The following CEP43 variants were observed in gnomAD, a reference collection of about 807,000 sequenced individuals.
The protein encoded by CEP43 is FGFR1 oncogene partner.
A neutral mutation model predicts 52.6 loss-of-function variants in CEP43; 36 were observed. That is an observed-to-expected ratio of 0.68 (90% CI 0.52 to 0.90). The LOEUF (loss-of-function observed/expected upper bound fraction) is 0.90. CEP43 is among the 40% of genes least tolerant of loss of function. The probability of loss-of-function intolerance (pLI) is 0.00; values close to 1 mark genes in which losing one functional copy is unlikely to be tolerated. For synonymous variants in CEP43, 192 were observed against 172.4 expected, an observed-to-expected ratio of 1.11 and a Z score of -0.89; for missense variants, 506 against 472.8, an observed-to-expected ratio of 1.07 and a Z score of -0.65.
In CEP43 at chr6:167,003,252, G is replaced by A; in HGVS notation, c.211+5G>A. 1 of 1,461,928 alleles carries A rather than the reference G, an allele frequency of 6.8e-7. No individual in the cohort carries two copies. The allele number at this position is 1,461,928 out of a possible 1,614,324, so 90.6% of individuals were successfully genotyped here. ...AGTTTTTAAATACCAAAGACGGTAA[G>A]ATGTTCAGTTTGTTCTTGTTTATCT... On this transcript the variant is annotated splice_donor_5th_base_variant and intron_variant, in intron 3 of 12. Coordinates refer to ENST00000366847, the MANE Select transcript of CEP43 (RefSeq NM_007045.4).
intron 5 of CEP43, among the ~76,000 whole-genome samples, chr6:167,006,004 G>C (rs975820877): frequency 6.6e-6 from 1 of 152,178 alleles, no homozygotes; most frequent in Non-Finnish European, 1.5e-5. Flanking sequence ...TGAAACCCCA[G>C]CTCTGCTACA....
chr6:167,022,512 C>T lies in CEP43; in HGVS notation c.683C>T (p.Ser228Phe), dbSNP rs558048540. 40 of 1,614,008 alleles carry T rather than the reference C, an allele frequency of 2.5e-5. No individual in the cohort carries two copies. In the South Asian group the frequency reaches 3.6e-4, roughly 15 times the overall value. ...CTGTCCCATGAAACAAAAATTGGAT[C>T]TTTTCTAAGCAACAGAACTTTAGAT... ...HLLSHETKIG[S>F]FLSNRTLDGK... The change falls in exon 8 of 13, where the codon TCT becomes TTT. Residue 228 changes from serine to phenylalanine, a missense_variant. By Grantham distance (155) the Ser-to-Phe change is radical (BLOSUM62 -2). Transcript: ENST00000366847.
At chr6:167,003,971 C>A in intron 4 of CEP43, 160 bp downstream of exon 4, 1 of 610,680 alleles carries the variant, frequency 1.6e-6, no homozygotes, top group Non-Finnish European at 2.8e-6. Context: ...TATGAGCTTT[C>A]AGATAGCTGG....
At chr6:167,010,672 TAAAAA>T (rs1444634292) in intron 5 of CEP43, 136 bp from the exon 6 acceptor site, 6 of 459,524 alleles carry the variant, frequency 1.3e-5, no homozygotes, top group Non-Finnish European at 1.9e-5. Flanking sequence ...GAGGAAAATC[TAAAAA>T]GGATGGTTAC....
At position 167,052,447 on chromosome 6, in the gene CEP43, TC is replaced by T. The variant is rs750454534; in HGVS notation, c.*12472del. The T allele has an allele frequency of 2.0e-5, 3 of 152,172 alleles. No individual in the cohort carries two copies. The highest frequency in any genetic ancestry group is 4.4e-5 in the Non-Finnish European group (3 of 68,024). The allele number at this position is 152,172 out of a possible 1,614,324, so 9.4% of individuals were successfully genotyped here. A position where few individuals can be genotyped will look rare whatever the true frequency, so the allele number is the denominator to read the frequency against. On this transcript the variant is annotated 3_prime_UTR_variant, in exon 13 of 13. Transcript: ENST00000366847. ...CTTATTTCCAGGGGCCTTTGTAAAT[TC>T]CCAGTGACAACTCTTTGGAAGATGA...
At chr6:167,036,561 A>C in intron 12 of CEP43, 1 of 985,438 alleles carries the variant, frequency 1.0e-6, no homozygotes, top group Non-Finnish European at 1.2e-6. Context: ...TAGCAATCTA[A>C]TTCAGCAAAC....
intron 12 of CEP43, among the ~76,000 whole-genome samples, chr6:167,038,914 C>T (rs1780635396): frequency 6.6e-6 from 1 of 152,138 alleles, no homozygotes; most frequent in South Asian, 2.1e-4. Flanking sequence ...TAGCAGTACA[C>T]ACCGGGCCCA....
At chr6:167,013,344 A>G (rs1033265620) in intron 6 of CEP43, among the ~76,000 whole-genome samples, 164 bp from the exon 7 acceptor site, 9 of 152,196 alleles carry the variant, frequency 5.9e-5, no homozygotes, top group African/African-American at 1.7e-4. Flanking sequence ...TCACTCTAGG[A>G]ATAGTTAAGA....
In CEP43 at chr6:167,041,320, T is replaced by C. The variant is rs1224610870; in HGVS notation, c.*1342T>C. On this transcript the variant is annotated 3_prime_UTR_variant, in exon 13 of 13. Coordinates refer to ENST00000366847, the MANE Select transcript of CEP43 (RefSeq NM_007045.4). Reference sequence around the variant, plus strand: ...GGCTGTGTAACAGAATCTGGCTTTTTAAAATTTAAGTGAAACTAAGCTGTA... The same window carrying C: ...GGCTGTGTAACAGAATCTGGCTTTTCAAAATTTAAGTGAAACTAAGCTGTA... 9.5e-7 allele frequency: 1 copy of C among 1,054,624 alleles called. No individual in the cohort carries two copies. Among genetic ancestry groups the C allele is most frequent in the African/African-American group, 1.7e-5 (1 of 60,454 alleles). 65.3% of individuals were successfully genotyped at this position (1,054,624 alleles called of 1,614,324 possible).
chr6:167,000,852 G>A (rs112621402), intron 2 of CEP43, among the ~76,000 whole-genome samples: 34 of 152,180 alleles, frequency 2.2e-4, no homozygotes, highest in Non-Finnish European at 4.4e-4. Context: ...ACGGTCATAC[G>A]TGGTCTGGAA....
chr6:167,008,940 G>A (rs577080831), intron 5 of CEP43, among the ~76,000 whole-genome samples: 2 of 152,238 alleles, frequency 1.3e-5, no homozygotes, highest in African/African-American at 4.8e-5. Context: ...GACAAGAATG[G>A]TAGCAGTAAG....
At chr6:167,033,695 G>A (rs1472687196) in intron 11 of CEP43, among the ~76,000 whole-genome samples, 180 bp from the exon 12 acceptor site, 2 of 152,168 alleles carry the variant, frequency 1.3e-5, no homozygotes, top group Non-Finnish European at 2.9e-5. Context: ...TGACTTGACT[G>A]CTGCTGCCCT....
chr6:167,030,450 C>G (rs1473551448), intron 10 of CEP43, among the ~76,000 whole-genome samples: 1 of 152,226 alleles, frequency 6.6e-6, no homozygotes. Flanking sequence ...CAAGCACTTG[C>G]AGCCCTTTAA....
chr6:167,018,911 T>C (rs1347085320), intron 7 of CEP43, among the ~76,000 whole-genome samples: 1 of 151,904 alleles, frequency 6.6e-6, no homozygotes, highest in African/African-American at 2.4e-5. Context: ...GTTACAACAG[T>C]TTGATTTATG....
At chr6:167,032,512 ATAAT>A (rs1462582688) in intron 10 of CEP43, 87 bp from the exon 11 acceptor site, 9 of 1,186,410 alleles carry the variant, frequency 7.6e-6, no homozygotes, top group Non-Finnish European at 9.2e-6. Flanking sequence ...ATGATGCAAT[ATAAT>A]TAATTTTTTT....
chr6:167,031,568 C>T (rs572073660), intron 10 of CEP43, among the ~76,000 whole-genome samples: 1 of 152,348 alleles, frequency 6.6e-6, no homozygotes, highest in East Asian at 1.9e-4. Flanking sequence ...CCTCAGCAGT[C>T]TGACCGATTT....
chr6:167,006,183 T>C (rs6926667), intron 5 of CEP43, among the ~76,000 whole-genome samples: 3,812 of 152,292 alleles, frequency 0.025, 171 homozygotes, highest in African/African-American at 0.088. Flanking sequence ...TGTGTGTTAC[T>C]GTAGTAGGCA....
Position 167,051,701 on chromosome 6 carries a change from A to G in CEP43, c.*11723A>G, listed in dbSNP as rs1780872473. On this transcript the variant is annotated 3_prime_UTR_variant, in exon 13 of 13. Coordinates refer to ENST00000366847, the MANE Select transcript of CEP43 (RefSeq NM_007045.4). ...TGTAAAATACACTATTATCATTGTA[A>G]AATATTCCTTTTTATCTCTAGTATT... 6.6e-6 allele frequency: 1 copy of G among 152,180 alleles called. No individual in the cohort carries two copies. Among genetic ancestry groups the G allele is most frequent in the African/African-American group, 2.4e-5 (1 of 41,442 alleles). The allele number at this position is 152,180 out of a possible 1,614,324, so 9.4% of individuals were successfully genotyped here.
At chr6:167,026,474 A>G in intron 9 of CEP43, 73 bp from the exon 10 acceptor site, 1 of 951,890 alleles carries the variant, frequency 1.1e-6, no homozygotes, top group Non-Finnish European at 1.7e-6. Context: ...TTGAACAACG[A>G]CAAAAATTGA....
Sources: allele counts gnomAD v4.1 joint callset (sites outside exome capture counted in the v4.1 genomes callset), GRCh38; gene constraint gnomAD v4.1.1; transcripts MANE v1.5; gene names NCBI Gene and HGNC (gene_info 2026-07-23, HGNC 2026-07-21).